The following FGF13 variants were observed in gnomAD, a reference collection of about 807,000 sequenced individuals.
FGF13 encodes fibroblast growth factor 13, also known as fibroblast growth factor homologous factor 2.
A neutral mutation model predicts 19.5 loss-of-function variants in FGF13; 2 were observed. The observed-to-expected ratio is 0.10, with a 90% CI of 0.04 to 0.32. FGF13 has a LOEUF of 0.32. FGF13 is among the 10% of genes least tolerant of loss of function. The probability of loss-of-function intolerance (pLI) is 1.00; values close to 1 mark genes in which losing one functional copy is unlikely to be tolerated. For missense variants in FGF13, 113 were observed against 192.7 expected (o/e 0.59, Z 2.45); for synonymous variants, 72 against 76.9 (o/e 0.94, Z 0.33).
chrX:138,939,808 C>A (rs903385341), intron 1 of FGF13, among the ~76,000 whole-genome samples: 9 of 112,044 alleles, frequency 8.0e-5, no homozygotes, highest in African/African-American at 2.9e-4. Flanking sequence ...TTTTCTTTAT[C>A]CAGTCTACCA....
At chrX:138,910,413 A>C (rs1215090408) in intron 1 of FGF13, among the ~76,000 whole-genome samples, 2 of 111,183 alleles carry the variant, frequency 1.8e-5, no homozygotes, top group Non-Finnish European at 3.8e-5. Flanking sequence ...ATAGGGCAAA[A>C]CCAGCAAGAT....
chrX:139,197,346 AAAT>A (rs947534055), intron 1 of FGF13, among the ~76,000 whole-genome samples: 1 of 112,646 alleles, frequency 8.9e-6, no homozygotes, highest in Non-Finnish European at 1.9e-5. Context: ...ATATATGTAA[AAAT>A]AATGTTTGCC....
intron 3 of FGF13, among the ~76,000 whole-genome samples, chrX:138,694,455 T>A (rs1250598609): frequency 3.7e-4 from 35 of 93,775 alleles, no homozygotes; most frequent in African/African-American, 1.3e-3. Flanking sequence ...TCTTTTCTTT[T>A]TTTTTTTTTT....
Position 139,176,140 on chromosome X carries a change from G to A in FGF13, c.-113+27276C>T, listed in dbSNP as rs75817268. Among the ~76,000 whole-genome samples the A allele has an allele frequency of 2.7e-5, 3 of 111,730 alleles. No homozygotes were observed. The East Asian group carries it at 8.4e-4, about 31-fold the overall frequency. ...TAGGTTTAGTCTTGGGAATGTTTAT[G>A]TGTACAGGAATTTATCCCTTTCTTC... On this transcript the variant is annotated intron_variant, in intron 1 of 2. Transcript: ENST00000421460.
intron 1 of FGF13, among the ~76,000 whole-genome samples, chrX:138,961,958 C>A (rs934741570): frequency 9.0e-6 from 1 of 111,650 alleles, no homozygotes; most frequent in Non-Finnish European, 1.9e-5. Context: ...TCTAAAACAC[C>A]AAAAGCAATG....
At chrX:138,873,652 T>G (rs59055918) in intron 1 of FGF13, among the ~76,000 whole-genome samples, 2,391 of 111,122 alleles carry the variant, frequency 0.022, 70 homozygotes, top group African/African-American at 0.075. Context: ...ATTTTCCCAT[T>G]AATTAAATTC....
chrX:139,178,229 A>G (rs938383918), intron 1 of FGF13, among the ~76,000 whole-genome samples: 3 of 112,472 alleles, frequency 2.7e-5, no homozygotes, highest in African/African-American at 9.7e-5. Context: ...TTACTTCTAG[A>G]AGCTATACTT....
At chrX:138,686,693 T>G (rs1388099271) in intron 3 of FGF13, among the ~76,000 whole-genome samples, 1 of 111,677 alleles carries the variant, frequency 9.0e-6, no homozygotes, top group Non-Finnish European at 1.9e-5. Flanking sequence ...ATCTATACAA[T>G]GTCAGCTAAG....
chrX:139,114,947 A>G (rs775995590), intron 1 of FGF13, among the ~76,000 whole-genome samples: 42 of 112,202 alleles, frequency 3.7e-4, no homozygotes, highest in African/African-American at 1.4e-3. Context: ...TACCTAAAAT[A>G]CAATTTAAGA....
At chrX:138,656,136 T>C (rs767332325) in intron 3 of FGF13, among the ~76,000 whole-genome samples, 1 of 111,660 alleles carries the variant, frequency 9.0e-6, no homozygotes, top group African/African-American at 3.3e-5. Flanking sequence ...TTTGGCAAGA[T>C]GAGTACCAAA....
intron 2 of FGF13, among the ~76,000 whole-genome samples, chrX:138,858,495 G>C (rs1334714720): frequency 9.0e-6 from 1 of 111,683 alleles, no homozygotes; most frequent in Non-Finnish European, 1.9e-5. Context: ...TCTCTATTCT[G>C]AAAACCTTCC....
chrX:139,150,878 G>A (rs767103445), intron 1 of FGF13, among the ~76,000 whole-genome samples: 2 of 111,289 alleles, frequency 1.8e-5, no homozygotes, highest in East Asian at 5.7e-4. Flanking sequence ...TAGTAGCCTA[G>A]GCCACTTGTT....
chrX:138,755,081 T>C (rs1050676910), intron 3 of FGF13, among the ~76,000 whole-genome samples: 1 of 111,354 alleles, frequency 9.0e-6, no homozygotes, highest in Non-Finnish European at 1.9e-5. Flanking sequence ...AACCTGGGGG[T>C]GATCTTAGAA....
At chrX:138,938,735 A>G (rs2091744226) in intron 1 of FGF13, among the ~76,000 whole-genome samples, 1 of 112,057 alleles carries the variant, frequency 8.9e-6, no homozygotes, top group Non-Finnish European at 1.9e-5. Context: ...TTGTTATTCA[A>G]TGATGAATTT....
chrX:138,662,864 T>A (rs1602669826), intron 3 of FGF13, among the ~76,000 whole-genome samples: 1 of 111,845 alleles, frequency 8.9e-6, no homozygotes, highest in Non-Finnish European at 1.9e-5. Context: ...ACTGTCACCA[T>A]CCAGCTGACA....
intron 3 of FGF13, among the ~76,000 whole-genome samples, chrX:138,831,761 G>C (rs1007070684): frequency 3.6e-5 from 4 of 110,037 alleles, no homozygotes; most frequent in Non-Finnish European, 7.6e-5. Context: ...TTGTTTTACA[G>C]ATTATTTCAT....
intron 1 of FGF13, among the ~76,000 whole-genome samples, chrX:138,918,468 A>G (rs1326775760): frequency 9.0e-6 from 1 of 111,526 alleles, no homozygotes; most frequent in Non-Finnish European, 1.9e-5. Context: ...CTATAAGGGA[A>G]TTTGCCTTTG....
chrX:139,018,196 T>G (rs1191102887), intron 1 of FGF13, among the ~76,000 whole-genome samples: 1 of 111,813 alleles, frequency 8.9e-6, no homozygotes, highest in Non-Finnish European at 1.9e-5. Context: ...CTCTTAAATC[T>G]TCCAGATTGT....
At chrX:138,860,630 A>C (rs965851614) in intron 2 of FGF13, among the ~76,000 whole-genome samples, 2 of 112,175 alleles carry the variant, frequency 1.8e-5, no homozygotes, top group African/African-American at 6.5e-5. Flanking sequence ...AGATTTATCC[A>C]GTCTTGGAGG....
Sources: allele counts gnomAD v4.1 joint callset (sites outside exome capture counted in the v4.1 genomes callset), GRCh38; gene constraint gnomAD v4.1.1; transcripts MANE v1.5; gene names NCBI Gene and HGNC (gene_info 2026-07-23, HGNC 2026-07-21).